Variants in COMMD10 observed in about 807,000 individuals in gnomAD.
COMMD10 encodes COMM domain-containing protein 10.
COMMD10 carries 33 observed loss-of-function variants against 28.9 expected under a neutral mutation model. The ratio of observed to expected loss-of-function variants is 1.14; its 90% CI spans 0.87 to 1.53. The LOEUF (loss-of-function observed/expected upper bound fraction) is 1.53. Ranked by LOEUF, COMMD10 falls within the 40% of genes most tolerant of loss-of-function variation. COMMD10 has a pLI of 0.00. For synonymous variants in COMMD10, 110 were observed against 81.7 expected (o/e 1.35, Z -1.87); for missense variants, 310 against 233.4 (o/e 1.33, Z -2.14).
At chr5:116,249,445 T>C (rs571440761) in intron 5 of COMMD10, among the ~76,000 whole-genome samples, 1 of 152,088 alleles carries the variant, frequency 6.6e-6, no homozygotes, top group Non-Finnish European at 1.5e-5. Flanking sequence ...ATTTTGAAGT[T>C]ACTTTGATAT....
intron 5 of COMMD10, among the ~76,000 whole-genome samples, chr5:116,246,563 G>A (rs1319349771): frequency 2.0e-5 from 3 of 151,876 alleles, no homozygotes; most frequent in Non-Finnish European, 2.9e-5. Flanking sequence ...AAAGCTGGAG[G>A]TATCCCATTA....
intron 4 of COMMD10, among the ~76,000 whole-genome samples, chr5:116,097,151 T>C (rs1329785588): frequency 6.6e-6 from 1 of 152,198 alleles, no homozygotes; most frequent in Non-Finnish European, 1.5e-5. Flanking sequence ...TAATCATTTG[T>C]CATATAAAAT....
intron 5 of COMMD10, among the ~76,000 whole-genome samples, chr5:116,181,352 C>G (rs1359233685): frequency 6.7e-6 from 1 of 150,334 alleles, no homozygotes; most frequent in Non-Finnish European, 1.5e-5. Flanking sequence ...TTATTATTGA[C>G]CAAGATTATG....
intron 5 of COMMD10, among the ~76,000 whole-genome samples, chr5:116,288,010 ATTTACC>A (rs1410058466): frequency 4.0e-5 from 6 of 151,534 alleles, no homozygotes; most frequent in Admixed American, 1.3e-4. Flanking sequence ...TTTTCCATGT[ATTTACC>A]TTTATTGAGA....
intron 1 of COMMD10, among the ~76,000 whole-genome samples, chr5:116,085,949 G>T (rs1750077161): frequency 6.6e-6 from 1 of 152,162 alleles, no homozygotes; most frequent in Admixed American, 6.5e-5. Flanking sequence ...CTTGAACAAA[G>T]AACTGGAGAA....
intron 5 of COMMD10, among the ~76,000 whole-genome samples, chr5:116,186,231 T>C (rs1486916267): frequency 6.6e-6 from 1 of 152,180 alleles, no homozygotes; most frequent in Non-Finnish European, 1.5e-5. Context: ...ACAAATTGTT[T>C]ATTTTCATTG....
At chr5:116,118,103 A>G (rs1031574874) in intron 4 of COMMD10, among the ~76,000 whole-genome samples, 16 of 152,126 alleles carry the variant, frequency 1.1e-4, no homozygotes, top group East Asian at 3.9e-4. Context: ...AATACCTCTA[A>G]TCTCTTTACT....
At chr5:116,254,753 G>A (rs1224182781) in intron 5 of COMMD10, among the ~76,000 whole-genome samples, 11 of 151,754 alleles carry the variant, frequency 7.2e-5, no homozygotes, top group Admixed American at 5.9e-4. Context: ...GTGGTGTGGT[G>A]CTGACAAAAA....
intron 5 of COMMD10, among the ~76,000 whole-genome samples, chr5:116,157,339 G>T (rs959654771): frequency 2.6e-5 from 4 of 152,092 alleles, no homozygotes; most frequent in African/African-American, 9.7e-5. Flanking sequence ...ATTTATTATT[G>T]TTCACAAGTC....
At chr5:116,191,438 T>A (rs1169887933) in intron 5 of COMMD10, among the ~76,000 whole-genome samples, 1 of 151,018 alleles carries the variant, frequency 6.6e-6, no homozygotes, top group African/African-American at 2.4e-5. Flanking sequence ...GAAACAGACT[T>A]GGGGCTCTTG....
intron 5 of COMMD10, among the ~76,000 whole-genome samples, chr5:116,235,616 T>A (rs1331670069): frequency 2.0e-5 from 3 of 152,294 alleles, no homozygotes; most frequent in Non-Finnish European, 4.4e-5. Context: ...ATAGATAGTT[T>A]GGGTATATAG....
intron 5 of COMMD10, among the ~76,000 whole-genome samples, chr5:116,267,125 G>C (rs907065130): frequency 2.6e-5 from 4 of 151,898 alleles, no homozygotes; most frequent in Non-Finnish European, 4.4e-5. Context: ...AGAAATAAAG[G>C]GTAGTCAATT....
At chr5:116,147,494 A>G (rs932719698) in intron 5 of COMMD10, among the ~76,000 whole-genome samples, 1 of 151,924 alleles carries the variant, frequency 6.6e-6, no homozygotes, top group Non-Finnish European at 1.5e-5. Context: ...TAAAAAATAT[A>G]TCATATTTTA....
intron 5 of COMMD10, among the ~76,000 whole-genome samples, chr5:116,276,002 CTA>C (rs1264252440): frequency 6.6e-6 from 1 of 150,824 alleles, no homozygotes; most frequent in Non-Finnish European, 1.5e-5. Context: ...AAGGAACACA[CTA>C]TGTTTTGGAA....
chr5:116,254,075 T>G (rs1750205389), intron 5 of COMMD10, among the ~76,000 whole-genome samples: 1 of 152,180 alleles, frequency 6.6e-6, no homozygotes, highest in South Asian at 2.1e-4. Context: ...ATTTTCTAGT[T>G]TATTTGCATA....
At chr5:116,103,277 C>G (rs1443003183) in intron 4 of COMMD10, among the ~76,000 whole-genome samples, 1 of 152,212 alleles carries the variant, frequency 6.6e-6, no homozygotes, top group Non-Finnish European at 1.5e-5. Flanking sequence ...CTAATTTACA[C>G]TCCCACCAAC....
chr5:116,130,771 G>A (rs1378620415), intron 4 of COMMD10, among the ~76,000 whole-genome samples: 21 of 151,976 alleles, frequency 1.4e-4, no homozygotes, highest in Non-Finnish European at 4.4e-5. Flanking sequence ...TTGCAGGCTA[G>A]CCTTTGTGTA....
chr5:116,209,565 A>C (rs147763911), intron 5 of COMMD10, among the ~76,000 whole-genome samples: 234 of 152,284 alleles, frequency 1.5e-3, no homozygotes, highest in Admixed American at 9.3e-3. Flanking sequence ...TCATATGGCT[A>C]GTATGTGTGG....
chr5:116,090,786 A>G (rs961082417), intron 2 of COMMD10, among the ~76,000 whole-genome samples: 1 of 152,184 alleles, frequency 6.6e-6, no homozygotes, highest in Non-Finnish European at 1.5e-5. Flanking sequence ...AAAATTATCC[A>G]TGTATCTCAG....
Sources: gnomAD v4.1 joint callset for allele counts (sites outside exome capture counted in the v4.1 genomes callset) on GRCh38, gnomAD v4.1.1 for gene constraint, MANE v1.5 for transcripts, NCBI Gene and HGNC (gene_info 2026-07-23, HGNC 2026-07-21) for gene names.